ABHD12: variants seen among roughly 807,000 people sequenced by gnomAD.
ABHD12 encodes the protein abhydrolase domain containing 12, lysophospholipase, also known as lysophosphatidylserine lipase ABHD12.
ABHD12 carries 43 observed loss-of-function variants against 58.3 expected under a neutral mutation model. The observed-to-expected ratio is 0.74, with a 90% CI of 0.58 to 0.95. The LOEUF is 0.95. Among genes scored for constraint, ABHD12 ranks in the 40% least tolerant of loss-of-function variants. ABHD12 has a pLI of 0.00. For missense variants in ABHD12, 539 were observed against 537.2 expected (o/e 1.00, Z -0.03); for synonymous variants, 219 against 211.2 (o/e 1.04, Z -0.32).
intron 6 of ABHD12, among the ~76,000 whole-genome samples, chr20:25,311,405 A>G (rs548067861): frequency 6.6e-6 from 1 of 152,354 alleles, no homozygotes; most frequent in Admixed American, 6.5e-5. Flanking sequence ...TCTCCCTGAG[A>G]GCCCTGCTCC....
rs779293077 is a variant in ABHD12 at position 25,387,589 on chromosome 20, T to TAAAAAA, written c.191+2923_191+2924insTTTTTT. 6.9e-3 allele frequency among the ~76,000 whole-genome samples: 584 copies of TAAAAAA among 85,208 alleles called. 15 individuals carry two copies. The highest frequency in any genetic ancestry group is 8.2e-3 in the South Asian group (19 of 2,312). 55.9% of individuals were successfully genotyped at this position (85,208 alleles called of 152,430 possible). On this transcript the variant is annotated intron_variant, in intron 1 of 12. Coordinates refer to ENST00000339157, the MANE Select transcript of ABHD12 (RefSeq NM_001042472.3). ...GCAACATAGTGAGACTTCATCTCTA[T>TAAAAAA]TAAAAAAAAAAAAAAAAAATTAACC... is the stretch of plus-strand genomic sequence containing the variant.
intron 1 of ABHD12, among the ~76,000 whole-genome samples, chr20:25,369,927 TAAAAA>T (rs3032443): frequency 0.07 from 6,378 of 91,438 alleles, 188 homozygotes; most frequent in Middle Eastern, 0.17. Context: ...GTCTCTGTTA[TAAAAA>T]AAAAAAAAAA....
intron 1 of ABHD12, among the ~76,000 whole-genome samples, chr20:25,357,370 T>A (rs962637477): frequency 7.9e-5 from 12 of 152,260 alleles, no homozygotes; most frequent in Admixed American, 6.5e-5. Context: ...TCTAACATGA[T>A]GGACAGAATC....
At chr20:25,302,125 C>T (rs1298273221) in intron 12 of ABHD12, 94 bp downstream of exon 12, 3 of 1,583,584 alleles carry the variant, frequency 1.9e-6, no homozygotes, top group South Asian at 1.1e-5. Flanking sequence ...CACTGAGGCC[C>T]CCTGAGCAGC....
chr20:25,378,788 G>A (rs899652544), intron 1 of ABHD12, among the ~76,000 whole-genome samples: 6 of 150,800 alleles, frequency 4.0e-5, no homozygotes, highest in African/African-American at 1.5e-4. Context: ...AGGTATGCGT[G>A]TATTCCCTCA....
chr20:25,303,250 C>G (rs2424710), intron 11 of ABHD12: 545,299 of 1,246,734 alleles, frequency 0.44, 123,778 homozygotes, highest in East Asian at 0.92. Context: ...CATAGGCAGC[C>G]CACTCTGATA....
chr20:25,377,518 A>AG lies in ABHD12; in HGVS notation c.191+12994dup, dbSNP rs1380357685. On this transcript the variant is annotated intron_variant, in intron 1 of 12. Transcript: ENST00000339157. ...ACTCCGAAGAGTCCCAAGGTGGCTC[A>AG]GGGCATCACATGGTAATGGGGATCA... Among the ~76,000 whole-genome samples, 10 of 152,188 alleles carry AG rather than the reference A, an allele frequency of 6.6e-5. 1 individual carries two copies. Among genetic ancestry groups the AG allele is most frequent in the Admixed American group, 3.9e-4 (6 of 15,282 alleles).
intron 1 of ABHD12, among the ~76,000 whole-genome samples, chr20:25,366,503 T>G (rs2089824280): frequency 6.6e-6 from 1 of 152,166 alleles, no homozygotes; most frequent in South Asian, 2.1e-4. Context: ...CGACCTCAGT[T>G]GATCCGCCTG....
intron 1 of ABHD12, among the ~76,000 whole-genome samples, chr20:25,375,040 C>T (rs2089945471): frequency 1.3e-5 from 2 of 152,102 alleles, no homozygotes; most frequent in South Asian, 4.1e-4. Flanking sequence ...AAAATGAGGT[C>T]ATCAGGGTGG....
At chr20:25,352,416 G>A (rs1422768872) in intron 1 of ABHD12, among the ~76,000 whole-genome samples, 1 of 152,070 alleles carries the variant, frequency 6.6e-6, no homozygotes, top group Non-Finnish European at 1.5e-5. Context: ...AGCCTCCCAA[G>A]TAGCTGGGAC....
intron 3 of ABHD12, among the ~76,000 whole-genome samples, chr20:25,322,381 A>ATATATATATATTTTTT: frequency 3.9e-4 from 23 of 59,266 alleles, no homozygotes; most frequent in African/African-American, 4.1e-4. Context: ...ATATATATAT[A>ATATATATATATTTTTT]TTTTTTTTTT....
chr20:25,358,688 A>G (rs2482934), intron 1 of ABHD12, among the ~76,000 whole-genome samples: 128,550 of 152,122 alleles, frequency 0.85, 54,611 homozygotes, highest in African/African-American at 0.92. Flanking sequence ...ATGCAGACCT[A>G]TGCAGAGTGC....
chr20:25,322,381 A>ATATATATATATTTTTTTTTTTTT, intron 3 of ABHD12, among the ~76,000 whole-genome samples: 1 of 59,270 alleles, frequency 1.7e-5, no homozygotes, highest in South Asian at 5.8e-4. Flanking sequence ...ATATATATAT[A>ATATATATATATTTTTTTTTTTTT]TTTTTTTTTT....
chr20:25,388,186 G>C (rs186403410), intron 1 of ABHD12, among the ~76,000 whole-genome samples: 1 of 151,524 alleles, frequency 6.6e-6, no homozygotes. Context: ...CTACTTCCAC[G>C]TATGTCGACA....
intron 1 of ABHD12, among the ~76,000 whole-genome samples, chr20:25,355,489 T>G (rs963395484): frequency 1.3e-5 from 2 of 152,202 alleles, no homozygotes; most frequent in Non-Finnish European, 2.9e-5. Flanking sequence ...TTGGGAAATT[T>G]AAAGGGTTTT....
chr20:25,373,786 G>C (rs1382035594), intron 1 of ABHD12, among the ~76,000 whole-genome samples: 4 of 151,718 alleles, frequency 2.6e-5, no homozygotes, highest in Non-Finnish European at 5.9e-5. Flanking sequence ...CTTAGCAGTG[G>C]GTTTACAGTT....
At chr20:25,316,131 T>C (rs1398085999) in intron 5 of ABHD12, among the ~76,000 whole-genome samples, 1 of 151,886 alleles carries the variant, frequency 6.6e-6, no homozygotes, top group African/African-American at 2.4e-5. Flanking sequence ...GCAGTCAGTG[T>C]AGCACCTGGA....
chr20:25,346,799 C>G (rs902864376), intron 1 of ABHD12, among the ~76,000 whole-genome samples: 1 of 152,110 alleles, frequency 6.6e-6, no homozygotes, highest in African/African-American at 2.4e-5. Context: ...GCGCCTGCCA[C>G]CAAGCCCAGC....
At chr20:25,313,753 G>A (rs1231290107) in intron 6 of ABHD12, among the ~76,000 whole-genome samples, 1 of 151,462 alleles carries the variant, frequency 6.6e-6, no homozygotes, top group Non-Finnish European at 1.5e-5. Context: ...CTGCAATCCA[G>A]CTGGGTGACA....
Sources: allele counts gnomAD v4.1 joint callset (sites outside exome capture counted in the v4.1 genomes callset), GRCh38; gene constraint gnomAD v4.1.1; transcripts MANE v1.5; gene names NCBI Gene and HGNC (gene_info 2026-07-23, HGNC 2026-07-21).